Variants in C14orf39 observed in about 807,000 individuals in gnomAD.
C14orf39 encodes chromosome 14 open reading frame 39.
A neutral mutation model predicts 85.6 loss-of-function variants in C14orf39; 66 were observed. The observed-to-expected ratio is 0.77, with a 90% confidence interval of 0.63 to 0.95. C14orf39 has a LOEUF of 0.95. Among genes scored for constraint, C14orf39 ranks in the 40% least tolerant of loss-of-function variants. C14orf39 has a pLI of 0.00. For synonymous variants in C14orf39, 242 were observed against 214.0 expected, an observed-to-expected ratio of 1.13 and a Z score of -1.14; for missense variants, 735 against 663.9, an observed-to-expected ratio of 1.11 and a Z score of -1.18.
chr14:60,477,600 T>G (rs1892443982), intron 5 of C14orf39, among the ~76,000 whole-genome samples: 1 of 152,178 alleles, frequency 6.6e-6, no homozygotes, highest in Non-Finnish European at 1.5e-5. Flanking sequence ...CTCCATTAAA[T>G]CAGCTGTCTA....
chr14:60,456,882 A>T (rs766802395), intron 15 of C14orf39, 35 bp downstream of exon 15: 19 of 1,487,524 alleles, frequency 1.3e-5, no homozygotes, highest in Non-Finnish European at 1.7e-5. Flanking sequence ...TCAACATACA[A>T]ATAATTTAAC....
chr14:60,484,084 G>A lies in C14orf39; in HGVS notation c.107-267C>T, dbSNP rs2140163430. Among the ~76,000 whole-genome samples, 1 of 152,248 alleles carries A rather than the reference G, an allele frequency of 6.6e-6. No individual in the cohort carries two copies. The highest frequency in any genetic ancestry group is 3.4e-3 in the Middle Eastern group (1 of 294). ...CTTGTACCTCATCTTTAACATAAAAGGGCTAGATTCAGTGATATCTAAGGT... is the reference window on the plus strand; with the variant it reads ...CTTGTACCTCATCTTTAACATAAAAAGGCTAGATTCAGTGATATCTAAGGT... On this transcript the variant is annotated intron_variant, in intron 3 of 17. Coordinates refer to ENST00000321731, the MANE Select transcript of C14orf39 (RefSeq NM_174978.3). This position sits in a 1 kb window ranked among gnomAD's most constrained non-coding sequence, Gnocchi z 4.2.
chr14:60,485,601 C>A (rs1892848140), intron 1 of C14orf39, among the ~76,000 whole-genome samples: 1 of 152,198 alleles, frequency 6.6e-6, no homozygotes, highest in South Asian at 2.1e-4. Flanking sequence ...CACAGAACAG[C>A]CAATTCGCAT....
At chr14:60,449,050 G>C (rs1316939790) in intron 16 of C14orf39, among the ~76,000 whole-genome samples, 1 of 152,070 alleles carries the variant, frequency 6.6e-6, no homozygotes, top group Non-Finnish European at 1.5e-5. Context: ...GTAGGGGGCT[G>C]GGGGAGGGAT....
At chr14:60,469,711 C>A in intron 7 of C14orf39, 58 bp from the exon 8 acceptor site, 1 of 731,416 alleles carries the variant, frequency 1.4e-6, no homozygotes, top group Non-Finnish European at 2.0e-6. Flanking sequence ...AATATATGTG[C>A]CATATCAGAA....
chr14:60,484,300 A>G lies in C14orf39; in HGVS notation c.107-483T>C, dbSNP rs930011483. On this transcript the variant is annotated intron_variant, in intron 3 of 17. Coordinates refer to ENST00000321731, the MANE Select transcript of C14orf39 (RefSeq NM_174978.3). This position sits in a 1 kb window ranked among gnomAD's most constrained non-coding sequence, Gnocchi z 4.2. ...AAGATAAAATGGACATAATTTCTTA[A>G]AAAGATTAAAATAAATTCTTAATAT... Among the ~76,000 whole-genome samples, 6 of 152,172 alleles carry G rather than the reference A, an allele frequency of 3.9e-5. No homozygotes were observed. Among genetic ancestry groups the G allele is most frequent in the Admixed American group, 1.3e-4 (2 of 15,284 alleles).
intron 1 of C14orf39, chr14:60,509,315 C>T: frequency 8.3e-7 from 1 of 1,210,516 alleles, no homozygotes; most frequent in South Asian, 1.2e-5. Context: ...CAACAAGCGC[C>T]TGGCACACTC....
intron 1 of C14orf39, among the ~76,000 whole-genome samples, chr14:60,513,638 G>A (rs1002837587): frequency 6.6e-6 from 1 of 152,120 alleles, no homozygotes; most frequent in Admixed American, 6.5e-5. Flanking sequence ...AAGTCCTAGA[G>A]GGATGGGAAA....
At chr14:60,513,368 G>T (rs999695363) in intron 1 of C14orf39, among the ~76,000 whole-genome samples, 2 of 152,174 alleles carry the variant, frequency 1.3e-5, no homozygotes, top group African/African-American at 4.8e-5. Context: ...GGGCTGGCGA[G>T]GACTAGAGTG....
intron 1 of C14orf39, chr14:60,511,251 G>C: frequency 6.2e-7 from 1 of 1,613,444 alleles, no homozygotes; most frequent in Non-Finnish European, 8.5e-7. Flanking sequence ...TGCGACATCT[G>C]AGTTGCCCAT....
At chr14:60,505,931 G>A (rs764974576) in intron 1 of C14orf39, among the ~76,000 whole-genome samples, 1 of 152,178 alleles carries the variant, frequency 6.6e-6, no homozygotes, top group African/African-American at 2.4e-5. Flanking sequence ...CATATGTGCA[G>A]AAGTCCCACA....
chr14:60,495,977 CT>C, intron 2 of C14orf39: 1 of 477,234 alleles, frequency 2.1e-6, no homozygotes, highest in Admixed American at 2.3e-5. Context: ...ATATGTCCCA[CT>C]TTAGGACGAA....
At chr14:60,464,799 T>C (rs1265253823) in intron 11 of C14orf39, among the ~76,000 whole-genome samples, 2 of 152,088 alleles carry the variant, frequency 1.3e-5, no homozygotes, top group African/African-American at 4.8e-5. Flanking sequence ...AGTAGTTCTG[T>C]CTTTTAATGG....
intron 5 of C14orf39, among the ~76,000 whole-genome samples, chr14:60,473,594 G>T (rs539921142): frequency 2.8e-4 from 42 of 152,306 alleles, no homozygotes; most frequent in African/African-American, 1.0e-3. Context: ...GCGTAAGGAA[G>T]GGATCCAGTT....
chr14:60,467,493 G>A (rs1343073228), intron 9 of C14orf39, among the ~76,000 whole-genome samples: 1 of 151,688 alleles, frequency 6.6e-6, no homozygotes, highest in Non-Finnish European at 1.5e-5. Context: ...TTTACTGAAA[G>A]AATAGTTTTC....
chr14:60,485,775 C>G (rs986396119), intron 1 of C14orf39, among the ~76,000 whole-genome samples, 170 bp downstream of exon 1: 3 of 152,088 alleles, frequency 2.0e-5, no homozygotes, highest in Non-Finnish European at 4.4e-5. Context: ...GCATCCCCCC[C>G]ATCCCCCGCC....
At chr14:60,510,949 TA>T (rs771208546) in intron 1 of C14orf39, 25 of 896,648 alleles carry the variant, frequency 2.8e-5, no homozygotes, top group Admixed American at 1.9e-4. Flanking sequence ...CCTTGCCGAG[TA>T]ATCCTCGCCT....
chr14:60,469,668 G>GA lies in C14orf39; in HGVS notation c.555-16dup. ...TCAAATTAACACTTTTTATGTTAAG[G>GA]AACTATGTCATATAAGTAAATTTTA... On this transcript the variant is annotated splice_polypyrimidine_tract_variant and intron_variant, in intron 7 of 17. Transcript: ENST00000321731. 2.8e-6 allele frequency: 3 copies of GA among 1,076,982 alleles called. No homozygotes were observed. Among genetic ancestry groups the GA allele is most frequent in the Non-Finnish European group, 3.9e-6 (3 of 772,784 alleles). 66.7% of individuals were successfully genotyped at this position (1,076,982 alleles called of 1,614,324 possible). A position where few individuals can be genotyped will look rare whatever the true frequency, so the allele number is the denominator to read the frequency against.
intron 3 of C14orf39, 110 bp from the exon 4 acceptor site, chr14:60,483,927 G>A (rs1434580323): frequency 2.9e-6 from 2 of 695,436 alleles, no homozygotes; most frequent in African/African-American, 1.8e-5. Flanking sequence ...GAGAGCCAGA[G>A]AATGGAGAGG....
Sources: gnomAD v4.1 joint callset for allele counts (sites outside exome capture counted in the v4.1 genomes callset) on GRCh38, gnomAD v4.1.1 for gene constraint, Gnocchi (gnomAD v3.1) non-coding constraint, MANE v1.5 for transcripts, NCBI Gene and HGNC (gene_info 2026-07-23, HGNC 2026-07-21) for gene names.